Variants in MINDY2 observed in about 807,000 individuals in gnomAD.
The protein encoded by MINDY2 is ubiquitin carboxyl-terminal hydrolase MINDY-2.
In MINDY2, 52 loss-of-function variants were observed where a neutral mutation model predicts 68.2. The ratio of observed to expected loss-of-function variants is 0.76; its 90% CI spans 0.61 to 0.96. MINDY2 has a LOEUF of 0.96. MINDY2 is among the 40% of genes least tolerant of loss of function. The pLI is 0.00. For synonymous variants in MINDY2, 372 were observed against 303.0 expected (o/e 1.23, Z -2.36); for missense variants, 881 against 773.4 (o/e 1.14, Z -1.65).
rs200668184 is a variant in MINDY2, at chr15:58,851,949, C to G, written c.1721C>G (p.Ala574Gly). ...CAAGCAGCAGCTGCTGCTGCTGCTG[C>G]TTCTACACAGGCTCAGGTAAAAACT... Reference protein sequence around the residue: ...QEQAAAAAAAASTQAQQGQPA... With the variant: ...QEQAAAAAAAGSTQAQQGQPA... Residue 574 changes from alanine to glycine, a missense_variant, in exon 8 of 9, where the codon GCT becomes GGT. Ala to Gly is a moderately conservative substitution (Grantham distance 60). Transcript: ENST00000559228. The G allele has an allele frequency of 1.3e-6, 2 of 1,584,294 alleles. No individual in the cohort carries two copies. The highest frequency in any genetic ancestry group is 1.7e-6 in the Non-Finnish European group (2 of 1,171,886).
At chr15:58,854,206 T>C (rs1392847100) in intron 8 of MINDY2, among the ~76,000 whole-genome samples, 3 of 150,990 alleles carry the variant, frequency 2.0e-5, no homozygotes, top group Non-Finnish European at 1.5e-5. Context: ...ATTGCACCAT[T>C]GCACTCCAGC....
chr15:58,845,751 G>A (rs1595779325), intron 6 of MINDY2, among the ~76,000 whole-genome samples: 1 of 152,260 alleles, frequency 6.6e-6, no homozygotes, highest in African/African-American at 2.4e-5. Context: ...GCACTCCCAG[G>A]TTTATTGCAG....
chr15:58,793,627 G>A (rs563507894), intron 2 of MINDY2, among the ~76,000 whole-genome samples: 1 of 152,114 alleles, frequency 6.6e-6, no homozygotes, highest in South Asian at 2.1e-4. Context: ...TAGAGAAAGG[G>A]AACTGCAAAA....
Position 58,808,532 on chromosome 15 carries a change from G to T in MINDY2, c.964-1698G>T, listed in dbSNP as rs535245637. 7.9e-5 allele frequency among the ~76,000 whole-genome samples: 12 copies of T among 152,082 alleles called. No individual in the cohort carries two copies. In the South Asian group the frequency reaches 2.5e-3, roughly 32 times the overall value. ...TTAAGTTTCCTCTGTGTCTTTTCAT[G>T]GCTTGATAGCTCATCTCTATTTTTT... On this transcript the variant is annotated intron_variant, in intron 3 of 8. Coordinates refer to ENST00000559228, the MANE Select transcript of MINDY2 (RefSeq NM_001040450.3).
At chr15:58,851,021 T>A (rs1382710603) in intron 7 of MINDY2, among the ~76,000 whole-genome samples, 2 of 152,196 alleles carry the variant, frequency 1.3e-5, no homozygotes, top group Non-Finnish European at 2.9e-5. Flanking sequence ...TCGCCCAGGC[T>A]GGAGCGCAGT....
intron 1 of MINDY2, among the ~76,000 whole-genome samples, chr15:58,775,843 T>G (rs1900739218): frequency 6.6e-6 from 1 of 151,578 alleles, no homozygotes; most frequent in African/African-American, 2.4e-5. Context: ...GGACTGGGTC[T>G]CAGTAAAGAG....
Position 58,771,360 on chromosome 15 carries a change from C to G in MINDY2, c.-36C>G. ...AAGGCGCTGGCTGCGGAGAAGTGGC[C>G]GCGGTCTCCATAGAGCTGGGGGCGG... is the stretch of plus-strand genomic sequence containing the variant. On this transcript the variant is annotated 5_prime_UTR_variant, in exon 1 of 9. Transcript: ENST00000559228. 6.3e-7 allele frequency: 1 copy of G among 1,575,552 alleles called. No individual in the cohort carries two copies. The highest frequency in any genetic ancestry group is 1.1e-5 in the South Asian group (1 of 87,516).
chr15:58,850,591 T>TATTTATTTATATATG (rs752935729), intron 7 of MINDY2, among the ~76,000 whole-genome samples: 10 of 152,192 alleles, frequency 6.6e-5, no homozygotes, highest in African/African-American at 1.2e-4. Context: ...CCAATTTACT[T>TATTTATTTATATATG]ATTTATTTAT....
chr15:58,807,924 T>G (rs1317142798), intron 3 of MINDY2, among the ~76,000 whole-genome samples: 1 of 152,100 alleles, frequency 6.6e-6, no homozygotes, highest in Non-Finnish European at 1.5e-5. Flanking sequence ...TAACATTTAG[T>G]GCTCCCTGTA....
intron 6 of MINDY2, among the ~76,000 whole-genome samples, chr15:58,840,065 C>T (rs1296047637): frequency 3.3e-5 from 5 of 152,114 alleles, no homozygotes; most frequent in African/African-American, 9.7e-5. Context: ...AACTCCTGAC[C>T]TCAGGCAGTC....
chr15:58,791,253 A>ATATATATC (rs1567043806), intron 2 of MINDY2, among the ~76,000 whole-genome samples: 1 of 128,568 alleles, frequency 7.8e-6, no homozygotes, highest in Non-Finnish European at 1.7e-5. Context: ...ATATATATAT[A>ATATATATC]TATCTTGAGT....
intron 1 of MINDY2, among the ~76,000 whole-genome samples, chr15:58,775,217 T>C (rs1900702043): frequency 6.6e-6 from 1 of 152,222 alleles, no homozygotes; most frequent in African/African-American, 2.4e-5. Flanking sequence ...GTTTTAAATT[T>C]TTCTCAATTT....
rs1900361851 is a variant in MINDY2 at position 58,771,324 on chromosome 15, T to C, written c.-72T>C. 1.3e-6 allele frequency: 2 copies of C among 1,539,652 alleles called. No individual in the cohort carries two copies. The highest frequency in any genetic ancestry group is 4.0e-5 in the Admixed American group (2 of 50,284). On this transcript the variant is annotated 5_prime_UTR_variant, in exon 1 of 9. Coordinates refer to ENST00000559228, the MANE Select transcript of MINDY2 (RefSeq NM_001040450.3). Reference sequence around the variant, plus strand: ...GGCGCTGTTGCTGCCAATACAGCTGTCATGGCGTCCAAGGCGCTGGCTGCG... The same window carrying C: ...GGCGCTGTTGCTGCCAATACAGCTGCCATGGCGTCCAAGGCGCTGGCTGCG...
chr15:58,846,302 A>G (rs1316997094), intron 6 of MINDY2, among the ~76,000 whole-genome samples: 1 of 152,208 alleles, frequency 6.6e-6, no homozygotes, highest in Non-Finnish European at 1.5e-5. Context: ...CTGTATCAAA[A>G]TACCATGTAG....
At chr15:58,844,645 C>T (rs1366182697) in intron 6 of MINDY2, among the ~76,000 whole-genome samples, 3 of 150,342 alleles carry the variant, frequency 2.0e-5, no homozygotes, top group East Asian at 2.0e-4. Flanking sequence ...AGGCCAGGCG[C>T]GGTGGCTCAT....
intron 1 of MINDY2, among the ~76,000 whole-genome samples, chr15:58,781,137 C>T (rs762409600): frequency 6.6e-6 from 1 of 152,086 alleles, no homozygotes; most frequent in Non-Finnish European, 1.5e-5. Flanking sequence ...GCAACCTCCA[C>T]CTCCTGGGTT....
chr15:58,850,977 TTTTG>T (rs1292608578), intron 7 of MINDY2, among the ~76,000 whole-genome samples: 5 of 152,220 alleles, frequency 3.3e-5, no homozygotes, highest in African/African-American at 1.2e-4. Flanking sequence ...TCCCCCAATT[TTTTG>T]TTTTTTTTTC....
chr15:58,821,341 A>C (rs1176268712), intron 4 of MINDY2, among the ~76,000 whole-genome samples: 2 of 151,828 alleles, frequency 1.3e-5, no homozygotes, highest in Admixed American at 1.3e-4. Context: ...AAAAAAAAAA[A>C]AACTTGATAC....
chr15:58,809,910 G>A (rs1406165966), intron 3 of MINDY2, among the ~76,000 whole-genome samples: 1 of 152,120 alleles, frequency 6.6e-6, no homozygotes. Flanking sequence ...CTCCCAAGTA[G>A]CTGGGACTAC....
Sources: gnomAD v4.1 joint callset for allele counts (sites outside exome capture counted in the v4.1 genomes callset) on GRCh38, gnomAD v4.1.1 for gene constraint, MANE v1.5 for transcripts, NCBI Gene and HGNC (gene_info 2026-07-23, HGNC 2026-07-21) for gene names.